ZNF704: variants seen among roughly 807,000 people sequenced by gnomAD.
The protein encoded by ZNF704 is zinc finger protein 704, also known as glucocorticoid induced gene 1.
In ZNF704, 10 loss-of-function variants were observed where a neutral mutation model predicts 44.7. That is an observed-to-expected ratio of 0.22 (90% CI 0.14 to 0.38). The LOEUF (loss-of-function observed/expected upper bound fraction) is 0.38, where lower values mean the gene tolerates loss of function less well. Ranked by LOEUF, ZNF704 falls within the 10% of genes least tolerant of loss-of-function variation. The pLI, the probability that ZNF704 is intolerant of heterozygous loss-of-function variation, is 1.00. For missense variants in ZNF704, 390 were observed against 545.5 expected, an observed-to-expected ratio of 0.71 and a Z score of 2.84; for synonymous variants, 211 against 207.6, an observed-to-expected ratio of 1.02 and a Z score of -0.14.
intron 2 of ZNF704, among the ~76,000 whole-genome samples, chr8:80,768,730 T>A (rs951155957): frequency 6.6e-6 from 1 of 152,126 alleles, no homozygotes; most frequent in Non-Finnish European, 1.5e-5. Context: ...TTATGAAGGG[T>A]AATGGATACA....
chr8:80,819,779 T>A (rs1808238065), intron 2 of ZNF704, among the ~76,000 whole-genome samples: 1 of 152,062 alleles, frequency 6.6e-6, no homozygotes, highest in African/African-American at 2.4e-5. Context: ...ACAGAAGTAA[T>A]GAATACGTGA....
intron 2 of ZNF704, among the ~76,000 whole-genome samples, chr8:80,732,798 A>G (rs1378327724): frequency 2.0e-5 from 3 of 152,080 alleles, no homozygotes; most frequent in Non-Finnish European, 4.4e-5. Flanking sequence ...TCTACTAAAA[A>G]TACAAAAATT....
Position 80,814,747 on chromosome 8 carries a change from T to G in ZNF704, c.221+6627A>C, listed in dbSNP as rs545132987. Among the ~76,000 whole-genome samples, 462 of 152,314 alleles carry G rather than the reference T, an allele frequency of 3.0e-3. 5 individuals carry two copies. Among genetic ancestry groups the G allele is most frequent in the African/African-American group, 0.01 (432 of 41,576 alleles). On this transcript the variant is annotated intron_variant, in intron 2 of 8. Coordinates refer to ENST00000327835, the MANE Select transcript of ZNF704 (RefSeq NM_001033723.3). ...AATATTTTAAAATGGTAAAGTGACC[T>G]TTTTTCTTTTTTTCAGTAGTCTCAT...
intron 2 of ZNF704, 78 bp from the exon 3 acceptor site, chr8:80,693,185 C>T (rs751053405): frequency 4.5e-5 from 54 of 1,194,252 alleles, no homozygotes; most frequent in South Asian, 1.3e-4. Flanking sequence ...CACGCTGTCA[C>T]GCATTTACTC....
intron 2 of ZNF704, among the ~76,000 whole-genome samples, chr8:80,815,521 T>G (rs560910866): frequency 6.6e-6 from 1 of 152,366 alleles, no homozygotes; most frequent in East Asian, 1.9e-4. Flanking sequence ...GCTTAACTGT[T>G]GAATTATTTT....
chr8:80,749,081 G>A (rs1342984024), intron 2 of ZNF704, among the ~76,000 whole-genome samples: 4 of 152,048 alleles, frequency 2.6e-5, no homozygotes, highest in South Asian at 2.1e-4. Flanking sequence ...TGCCCACAAC[G>A]GAATGGCCCC....
At chr8:80,742,930 C>T (rs538625147) in intron 2 of ZNF704, among the ~76,000 whole-genome samples, 12 of 152,000 alleles carry the variant, frequency 7.9e-5, no homozygotes, top group African/African-American at 2.7e-4. Flanking sequence ...GGGAAGGTGA[C>T]GCATCCACCT....
In ZNF704 at chr8:80,787,981, A is replaced by C. The variant is rs186167361; in HGVS notation, c.221+33393T>G. ...AGCCATTATGATTTAGCCGGTTCCT[A>C]CTTTCCCATATTAGCAGGATTTCAA... On this transcript the variant is annotated intron_variant, in intron 2 of 8. Transcript: ENST00000327835. 3.5e-4 allele frequency among the ~76,000 whole-genome samples: 53 copies of C among 152,296 alleles called. 1 individual carries two copies. In the East Asian group the frequency reaches 6.7e-3, roughly 19 times the overall value.
the ZNF704 span, among the ~76,000 whole-genome samples, chr8:80,880,458 C>T: frequency 6.6e-6 from 1 of 152,356 alleles, no homozygotes; most frequent in South Asian, 2.1e-4. Context: ...ATAAAAGTCA[C>T]ATCTAACCTC....
At chr8:80,743,853 G>A (rs1167166989) in intron 2 of ZNF704, among the ~76,000 whole-genome samples, 1 of 152,194 alleles carries the variant, frequency 6.6e-6, no homozygotes, top group Non-Finnish European at 1.5e-5. Flanking sequence ...GGTGTAACAT[G>A]CTTCACACAG....
intron 2 of ZNF704, among the ~76,000 whole-genome samples, chr8:80,730,459 A>T (rs1242778105): frequency 6.8e-6 from 1 of 147,982 alleles, no homozygotes; most frequent in Non-Finnish European, 1.5e-5. Flanking sequence ...GAATCACTTG[A>T]ACCCAGGAGG....
chr8:80,726,787 A>T (rs1221736504), intron 2 of ZNF704, among the ~76,000 whole-genome samples: 1 of 152,020 alleles, frequency 6.6e-6, no homozygotes, highest in African/African-American at 2.4e-5. Flanking sequence ...TACATCATCT[A>T]ATGCCTTTAC....
rs1303913174 is a variant in ZNF704 at position 80,636,917 on chromosome 8, C to T, written c.*4449G>A. ...ATGTACATCGTTCACGGCTTGCTTT[C>T]GCCTACGGAATTCTGCTGATAGCTA... On this transcript the variant is annotated 3_prime_UTR_variant, in exon 9 of 9. Coordinates refer to ENST00000327835, the MANE Select transcript of ZNF704 (RefSeq NM_001033723.3). The T allele has an allele frequency of 1.3e-5, 2 of 152,206 alleles. No homozygotes were observed. Among genetic ancestry groups the T allele is most frequent in the Admixed American group, 6.5e-5 (1 of 15,282 alleles). The allele number at this position is 152,206 out of a possible 1,614,324, so 9.4% of individuals were successfully genotyped here.
At chr8:80,690,198 C>T (rs973595014) in intron 3 of ZNF704, among the ~76,000 whole-genome samples, 5 of 152,068 alleles carry the variant, frequency 3.3e-5, no homozygotes, top group Non-Finnish European at 7.4e-5. Context: ...TAAATGAGCA[C>T]TGAATTACTT....
intron 2 of ZNF704, among the ~76,000 whole-genome samples, chr8:80,735,563 T>C (rs1345389991): frequency 6.6e-6 from 1 of 152,226 alleles, no homozygotes; most frequent in Admixed American, 6.5e-5. Flanking sequence ...TAAAGGAGTT[T>C]CATTGGACAG....
chr8:80,672,887 C>T (rs955072081), intron 4 of ZNF704, among the ~76,000 whole-genome samples: 2 of 151,798 alleles, frequency 1.3e-5, no homozygotes, highest in Non-Finnish European at 2.9e-5. Flanking sequence ...TGTAACGAAC[C>T]TGCATAGGTA....
At chr8:80,858,676 T>C (rs1809004997) in intron 1 of ZNF704, among the ~76,000 whole-genome samples, 1 of 150,588 alleles carries the variant, frequency 6.6e-6, no homozygotes, top group Non-Finnish European at 1.5e-5. Flanking sequence ...CACAGCGAGA[T>C]TCTGTCTCAA....
intron 2 of ZNF704, among the ~76,000 whole-genome samples, chr8:80,777,238 C>T (rs1807429545): frequency 6.6e-6 from 1 of 152,090 alleles, no homozygotes; most frequent in African/African-American, 2.4e-5. Context: ...TATTTCACTC[C>T]ACTAATCCCT....
intron 7 of ZNF704, among the ~76,000 whole-genome samples, chr8:80,655,619 T>G (rs923585145): frequency 6.6e-6 from 1 of 152,168 alleles, no homozygotes; most frequent in Non-Finnish European, 1.5e-5. Context: ...GTAGAGGATA[T>G]TACTTTAGAA....
Sources: allele counts gnomAD v4.1 joint callset (sites outside exome capture counted in the v4.1 genomes callset), GRCh38; gene constraint gnomAD v4.1.1; transcripts MANE v1.5; gene names NCBI Gene and HGNC (gene_info 2026-07-23, HGNC 2026-07-21).